API5: variants seen among roughly 807,000 people sequenced by gnomAD.
The protein encoded by API5 is FIF.
A neutral mutation model predicts 71.9 loss-of-function variants in API5; 6 were observed. The ratio of observed to expected loss-of-function variants is 0.08; its 90% CI spans 0.05 to 0.16. The LOEUF (loss-of-function observed/expected upper bound fraction) is 0.16, where lower values mean the gene tolerates loss of function less well. API5 is among the 10% of genes least tolerant of loss of function. The probability of loss-of-function intolerance (pLI) is 1.00; values close to 1 mark genes in which losing one functional copy is unlikely to be tolerated. For synonymous variants in API5, 189 were observed against 221.3 expected (o/e 0.85, Z 1.30); for missense variants, 332 against 612.8 (o/e 0.54, Z 4.84).
chr11:43,321,529 G>A lies in API5; in HGVS notation c.391+53G>A, dbSNP rs1854890048. ...GTTTGATGTCTTACAGAATCACAAAGTTAGGTGTTACTCATTAAGAATAAA... is the reference window on the plus strand; with the variant it reads ...GTTTGATGTCTTACAGAATCACAAAATTAGGTGTTACTCATTAAGAATAAA... On this transcript the variant is annotated intron_variant, in intron 4 of 13. Transcript: ENST00000531273. The A allele has an allele frequency of 1.0e-5, 14 of 1,363,486 alleles. No homozygotes were observed. In the South Asian group the frequency reaches 1.7e-4, roughly 17 times the overall value. 84.5% of individuals were successfully genotyped at this position (1,363,486 alleles called of 1,614,324 possible). A position where few individuals can be genotyped will look rare whatever the true frequency, so the allele number is the denominator to read the frequency against.
chr11:43,335,471 T>G, intron 12 of API5, 117 bp downstream of exon 12: 1 of 636,064 alleles, frequency 1.6e-6, no homozygotes. Context: ...AATATGACTA[T>G]TAGAAATATG....
rs888280340 is a variant in API5 at position 43,312,180 on chromosome 11, C to T, written c.53C>T (p.Thr18Met). 65 of 1,613,814 alleles carry T rather than the reference C, an allele frequency of 4.0e-5. 1 individual carries two copies. Among genetic ancestry groups the T allele is most frequent in the Non-Finnish European group, 5.0e-5 (59 of 1,179,918 alleles). The change falls in exon 1 of 14, where the codon ACG (threonine) becomes ATG (methionine). Residue 18 changes from threonine (T) to methionine (M), a missense_variant. Coordinates refer to ENST00000531273, the MANE Select transcript of API5 (RefSeq NM_001142930.2). ...YRNYGILADA[T>M]EQVGQHKDAY... ...AATTATGGCATCCTGGCCGATGCCA[C>T]GGAGCAAGTGGGCCAGGTGAGTTGA... is the stretch of plus-strand genomic sequence containing the variant.
chr11:43,339,575 A>AATAAATAAAGAACTAAGAAGTTG (rs1855545219), intron 13 of API5, among the ~76,000 whole-genome samples: 1 of 152,200 alleles, frequency 6.6e-6, no homozygotes, highest in Non-Finnish European at 1.5e-5. Flanking sequence ...TGTTCTGTAC[A>AATAAATAAAGAACTAAGAAGTTG]TCACAAGTGA....
chr11:43,322,183 C>T (rs765725794), intron 5 of API5, 47 bp downstream of exon 5: 7 of 1,521,126 alleles, frequency 4.6e-6, no homozygotes, highest in Non-Finnish European at 8.8e-7. Flanking sequence ...AGCAAAAGAG[C>T]ATACTTGACA....
intron 11 of API5, among the ~76,000 whole-genome samples, chr11:43,333,326 C>T (rs1213107907): frequency 1.3e-5 from 2 of 152,120 alleles, no homozygotes; most frequent in African/African-American, 4.8e-5. Context: ...GTCTCAGGGT[C>T]CAATTAAAAG....
chr11:43,328,606 T>C, intron 8 of API5, 106 bp from the exon 9 acceptor site: 1 of 1,039,742 alleles, frequency 9.6e-7, no homozygotes, highest in Middle Eastern at 2.7e-4. Flanking sequence ...TTTGGTAGTT[T>C]TTAATGCTCC....
intron 6 of API5, among the ~76,000 whole-genome samples, chr11:43,325,774 G>A (rs939116667): frequency 6.6e-6 from 1 of 152,192 alleles, no homozygotes; most frequent in Admixed American, 6.5e-5. Flanking sequence ...TGGCTGCCAG[G>A]AAGTGAAAAG....
At position 43,322,146 on chromosome 11, in the gene API5, G is replaced by T. The variant is rs756048139; in HGVS notation, c.543+10G>T. ...AACTGAATCCAAAAAGGTGAGCTTT[G>T]GTCTTCATTTGGTGGAAATTCTCTA... is the stretch of plus-strand genomic sequence containing the variant. On this transcript the variant is annotated intron_variant, in intron 5 of 13. Coordinates refer to ENST00000531273, the MANE Select transcript of API5 (RefSeq NM_001142930.2). The T allele has an allele frequency of 1.3e-6, 2 of 1,583,594 alleles. No individual in the cohort carries two copies. The highest frequency in any genetic ancestry group is 1.2e-5 in the South Asian group (1 of 86,522).
intron 13 of API5, among the ~76,000 whole-genome samples, chr11:43,338,280 T>C (rs1187108768): frequency 6.6e-6 from 1 of 152,204 alleles, no homozygotes. Flanking sequence ...TTTATTGCTT[T>C]ACTAACCAAT....
chr11:43,337,078 C>CT (rs1648329269), intron 13 of API5, among the ~76,000 whole-genome samples: 1 of 150,424 alleles, frequency 6.6e-6, no homozygotes, highest in African/African-American at 2.4e-5. Context: ...AAACCCAACA[C>CT]TTTCGGAGGC....
At position 43,322,110 on chromosome 11, in the gene API5, G is replaced by A; in HGVS notation, c.517G>A (p.Glu173Lys). ...TGAAGTCTTAACAAAGGAAGTGGAAGAGCTTATACTAACTGAATCCAAAAA... is the reference window on the plus strand; with the variant it reads ...TGAAGTCTTAACAAAGGAAGTGGAAAAGCTTATACTAACTGAATCCAAAAA... ...PDEVLTKEVE[E>K]LILTESKKVL... Residue 173 changes from glutamate (E) to lysine (K), a missense_variant, in exon 5 of 14, where the codon GAG (glutamate) becomes AAG (lysine). By Grantham distance (56) the Glu-to-Lys change is moderately conservative. This residue lies in a region of API5 where 127 missense variants were observed against 237.6 expected (regional missense o/e 0.53). Coordinates refer to ENST00000531273, the MANE Select transcript of API5 (RefSeq NM_001142930.2). The A allele has an allele frequency of 6.2e-7, 1 of 1,608,976 alleles. No individual in the cohort carries two copies. The highest frequency in any genetic ancestry group is 8.5e-7 in the Non-Finnish European group (1 of 1,178,658).
In API5 at chr11:43,318,771, G is replaced by A. The variant is rs1363126180; in HGVS notation, c.201G>A (p.Gln67=). 1 of 1,613,480 alleles carries A rather than the reference G, an allele frequency of 6.2e-7. No homozygotes were observed. Among genetic ancestry groups the A allele is most frequent in the South Asian group, 1.1e-5 (1 of 91,062 alleles). The change falls in exon 2 of 14, where the codon CAG becomes CAA. Residue 67 remains glutamine, a synonymous_variant. Coordinates refer to ENST00000531273, the MANE Select transcript of API5 (RefSeq NM_001142930.2). ...PELADSAINA[Q]LDLCEDEDVS... is the part of the protein sequence containing the mutation. Reference sequence around the variant, plus strand: ...TGGCTGATTCTGCTATCAATGCACAGTTAGACCTCTGTGAGGATGAAGATG... The same window carrying A: ...TGGCTGATTCTGCTATCAATGCACAATTAGACCTCTGTGAGGATGAAGATG...
In API5 at chr11:43,344,439, A is replaced by G. The variant is rs1334224836; in HGVS notation, c.*1929A>G. 1 of 152,334 alleles carries G rather than the reference A, an allele frequency of 6.6e-6. No homozygotes were observed. The highest frequency in any genetic ancestry group is 1.5e-5 in the Non-Finnish European group (1 of 67,990). 9.4% of individuals were successfully genotyped at this position (152,334 alleles called of 1,614,324 possible). ...TTGAATGAAAAACTTAATGCCATGG[A>G]TTTTTTTCTTTTGCAAGACACCTGT... On this transcript the variant is annotated 3_prime_UTR_variant, in exon 14 of 14. Transcript: ENST00000531273.
chr11:43,327,723 G>T, intron 7 of API5, 66 bp from the exon 8 acceptor site: 2 of 1,129,168 alleles, frequency 1.8e-6, no homozygotes, highest in South Asian at 1.5e-5. Flanking sequence ...TCGTTATCTA[G>T]AATTACTCTC....
chr11:43,342,339 G>A, intron 13 of API5, 89 bp from the exon 14 acceptor site: 6 of 1,048,492 alleles, frequency 5.7e-6, no homozygotes, highest in Admixed American at 4.6e-5. Context: ...GCCTACTGCT[G>A]TATTCAGAGT....
intron 4 of API5, 57 bp downstream of exon 4, chr11:43,321,533 G>C (rs1854890140): frequency 2.3e-6 from 3 of 1,328,484 alleles, no homozygotes; most frequent in South Asian, 2.5e-5. Context: ...CACAAAGTTA[G>C]GTGTTACTCA....
Position 43,342,426 on chromosome 11 carries a change from A to T in API5, c.1493-2A>T. The T allele has an allele frequency of 6.3e-7, 1 of 1,591,108 alleles. No homozygotes were observed. The highest frequency in any genetic ancestry group is 8.5e-7 in the Non-Finnish European group (1 of 1,170,162). ...CCTAAACCCTTGTTCGCTTTTTCGT[A>T]GAGCAGAGAGGAGCCTTCAGGGGAA... On this transcript the variant is annotated splice_acceptor_variant, in intron 13 of 13. Transcript: ENST00000531273. LOFTEE classifies it high-confidence loss of function.
chr11:43,339,990 G>A (rs1189969537), intron 13 of API5, among the ~76,000 whole-genome samples: 1 of 152,102 alleles, frequency 6.6e-6, no homozygotes, highest in African/African-American at 2.4e-5. Context: ...CTAGAATGGA[G>A]AAGTCAAATT....
intron 1 of API5, 47 bp from the exon 2 acceptor site, chr11:43,318,593 C>T: frequency 6.3e-7 from 1 of 1,599,562 alleles, no homozygotes; most frequent in Non-Finnish European, 8.5e-7. Flanking sequence ...ACTTTGCTTC[C>T]CATCCTTCAA....
Sources: gnomAD v4.1 joint callset for allele counts (sites outside exome capture counted in the v4.1 genomes callset) on GRCh38, gnomAD v4.1.1 for gene constraint, gnomAD v4.1.1 regional missense constraint, MANE v1.5 for transcripts, NCBI Gene and HGNC (gene_info 2026-07-23, HGNC 2026-07-21) for gene names.